The following DLGAP2 variants were observed in gnomAD, a reference collection of about 807,000 sequenced individuals.
DLGAP2 encodes disks large-associated protein 2.
In DLGAP2, 26 loss-of-function variants were observed where a neutral mutation model predicts 100.3. The ratio of observed to expected loss-of-function variants is 0.26; its 90% CI spans 0.19 to 0.36. DLGAP2 has a LOEUF of 0.36. DLGAP2 is among the 10% of genes least tolerant of loss of function. DLGAP2 has a pLI of 1.00. For missense variants in DLGAP2, 1,858 were observed against 1,453.2 expected, an observed-to-expected ratio of 1.28 and a Z score of -4.53; for synonymous variants, 886 against 630.1, an observed-to-expected ratio of 1.41 and a Z score of -6.08.
chr8:739,431 C>T, intron 1 of DLGAP2: 1 of 152,266 alleles, frequency 6.6e-6, no homozygotes, highest in South Asian at 2.1e-4. Context: ...AGGAGGCTCT[C>T]CAAGGAGCCT....
chr8:920,985 C>G (rs1456372133), intron 2 of DLGAP2, among the ~76,000 whole-genome samples: 1 of 152,082 alleles, frequency 6.6e-6, no homozygotes, highest in East Asian at 1.9e-4. Context: ...TCCCCGGGTG[C>G]TCTTGGAAAC....
At chr8:1,201,041 G>A (rs188709838) in intron 2 of DLGAP2, among the ~76,000 whole-genome samples, 1 of 152,302 alleles carries the variant, frequency 6.6e-6, no homozygotes, top group East Asian at 1.9e-4. Flanking sequence ...AGAGGTGAGT[G>A]TGGCGTGAGC....
At chr8:801,528 T>C (rs1294913024) in intron 1 of DLGAP2, among the ~76,000 whole-genome samples, 2 of 152,334 alleles carry the variant, frequency 1.3e-5, no homozygotes, top group Non-Finnish European at 2.9e-5. Flanking sequence ...GATCACGGAA[T>C]GCTGAAAGGC....
chr8:1,540,436 AGAGG>A (rs1801323231), intron 4 of DLGAP2, among the ~76,000 whole-genome samples: 1 of 152,218 alleles, frequency 6.6e-6, no homozygotes, highest in Admixed American at 6.5e-5. Flanking sequence ...TTAATGAAAG[AGAGG>A]GAAAGGAAGG....
chr8:814,528 C>T (rs1796428029), intron 1 of DLGAP2, among the ~76,000 whole-genome samples: 1 of 152,080 alleles, frequency 6.6e-6, no homozygotes, highest in Non-Finnish European at 1.5e-5. Context: ...TCCCATAAAC[C>T]AATATGCTAT....
intron 3 of DLGAP2, among the ~76,000 whole-genome samples, chr8:1,499,205 A>G (rs1563184808): frequency 6.6e-6 from 1 of 152,374 alleles, no homozygotes; most frequent in East Asian, 1.9e-4. Context: ...TGTGTGAAGC[A>G]CGTGGCTTTG....
At chr8:1,620,883 C>G (rs1000005061) in intron 6 of DLGAP2, among the ~76,000 whole-genome samples, 1 of 152,192 alleles carries the variant, frequency 6.6e-6, no homozygotes. Flanking sequence ...TCTGGGGTGT[C>G]CCTCACAGTT....
intron 2 of DLGAP2, among the ~76,000 whole-genome samples, chr8:914,140 A>C (rs959919963): frequency 6.6e-6 from 1 of 152,262 alleles, no homozygotes; most frequent in Non-Finnish European, 1.5e-5. Flanking sequence ...CTTTCCAAAA[A>C]GCACTCAAGT....
chr8:1,251,859 A>G (rs1487008032), intron 2 of DLGAP2, among the ~76,000 whole-genome samples: 2 of 152,112 alleles, frequency 1.3e-5, no homozygotes, highest in Admixed American at 6.5e-5. Flanking sequence ...TTCTCGCATC[A>G]TGTTGTCTTA....
chr8:1,283,791 T>C (rs1799868895), intron 3 of DLGAP2, among the ~76,000 whole-genome samples: 1 of 152,240 alleles, frequency 6.6e-6, no homozygotes, highest in African/African-American at 2.4e-5. Context: ...GCATATTTAC[T>C]GCTATTTTAT....
chr8:1,030,128 G>C (rs1375148903), intron 2 of DLGAP2, among the ~76,000 whole-genome samples: 1 of 152,168 alleles, frequency 6.6e-6, no homozygotes, highest in South Asian at 2.1e-4. Context: ...GGAAATAATG[G>C]TTAAGGCCCT....
rs754692815 is a variant in DLGAP2 at position 1,701,214 on chromosome 8, A to G, written c.2976A>G (p.Ile992Met). The G allele has an allele frequency of 6.4e-7, 1 of 1,571,366 alleles. No homozygotes were observed. Among genetic ancestry groups the G allele is most frequent in the Non-Finnish European group, 8.6e-7 (1 of 1,158,886 alleles). ...AAGAAAGAAAGGTCCCGCCTCCAAT[A>G]CCAAAGAAGCCTCCCAAGGGGAAGT... is the stretch of plus-strand genomic sequence containing the variant. ...RKEERKVPPP[I>M]PKKPPKGKFP... The change falls in exon 15 of 15, where the codon ATA (isoleucine) becomes ATG (methionine). Residue 992 changes from isoleucine to methionine, a missense_variant. Physicochemically the swap from Ile to Met is conservative, Grantham distance 10. Coordinates refer to ENST00000637795, the MANE Select transcript of DLGAP2 (RefSeq NM_001346810.2).
intron 1 of DLGAP2, among the ~76,000 whole-genome samples, chr8:812,100 G>C (rs1796382338): frequency 6.6e-6 from 1 of 152,230 alleles, no homozygotes; most frequent in Admixed American, 6.5e-5. Flanking sequence ...ATCTCTGCAA[G>C]AGGGAGGGAA....
At chr8:873,318 C>T (rs916613066) in intron 1 of DLGAP2, among the ~76,000 whole-genome samples, 3 of 152,080 alleles carry the variant, frequency 2.0e-5, no homozygotes, top group South Asian at 4.2e-4. Context: ...AATCTGAATG[C>T]CTTTTACTTC....
rs904036479 is a variant in DLGAP2 at position 973,765 on chromosome 8, C to T, written c.73+65799C>T. On this transcript the variant is annotated intron_variant, in intron 2 of 14. Transcript: ENST00000637795. The stretch of plus-strand genomic sequence containing the variant: ...ATCATGGAGGGAAGGCAAATATACG[C>T]GCGGCTGAGCGGAGGCGAATCCGGA... Among the ~76,000 whole-genome samples, 10 of 152,090 alleles carry T rather than the reference C, an allele frequency of 6.6e-5. No homozygotes were observed. The South Asian group carries it at 8.3e-4, about 13-fold the overall frequency.
In DLGAP2 at chr8:1,341,495, C is replaced by T. The variant is rs762334143; in HGVS notation, c.106+82612C>T. On this transcript the variant is annotated intron_variant, in intron 3 of 14. Coordinates refer to ENST00000637795, the MANE Select transcript of DLGAP2 (RefSeq NM_001346810.2). ...GTATTTAATGGAATACCCACATCAGCAGTTCTGCCTACAGTATGGGCTGGA... is the reference window on the plus strand; with the variant it reads ...GTATTTAATGGAATACCCACATCAGTAGTTCTGCCTACAGTATGGGCTGGA... 3.2e-4 allele frequency among the ~76,000 whole-genome samples: 48 copies of T among 152,350 alleles called. 1 individual carries two copies. The highest frequency in any genetic ancestry group is 6.8e-3 in the Middle Eastern group (2 of 294).
chr8:1,184,259 G>A (rs1797452321), intron 2 of DLGAP2, among the ~76,000 whole-genome samples: 2 of 152,226 alleles, frequency 1.3e-5, no homozygotes, highest in South Asian at 4.1e-4. Flanking sequence ...AAAATATGAA[G>A]CATTTGTGAT....
intron 1 of DLGAP2, among the ~76,000 whole-genome samples, chr8:816,173 T>G (rs1192649302): frequency 6.6e-6 from 1 of 152,206 alleles, no homozygotes; most frequent in Non-Finnish European, 1.5e-5. Context: ...TACCATTCTG[T>G]ATCTTTTAAG....
intron 1 of DLGAP2, among the ~76,000 whole-genome samples, chr8:748,498 G>A (rs992674221): frequency 2.0e-5 from 3 of 152,276 alleles, no homozygotes; most frequent in Non-Finnish European, 2.9e-5. Flanking sequence ...TGTGACCCGA[G>A]GAGGAAGCCC....
Sources: gnomAD v4.1 joint callset for allele counts (sites outside exome capture counted in the v4.1 genomes callset) on GRCh38, gnomAD v4.1.1 for gene constraint, MANE v1.5 for transcripts, NCBI Gene and HGNC (gene_info 2026-07-23, HGNC 2026-07-21) for gene names.